TMEM234: variants seen among roughly 807,000 people sequenced by gnomAD.
The protein encoded by TMEM234 is chromosome 1 open reading frame 91.
TMEM234 carries 21 observed loss-of-function variants against 17.8 expected under a neutral mutation model. That is an observed-to-expected ratio of 1.18 (90% CI 0.84 to 1.70). TMEM234 has a LOEUF of 1.70. TMEM234 is among the 40% of genes most tolerant of loss of function. TMEM234 has a pLI of 0.00. For synonymous variants in TMEM234, 83 were observed against 73.5 expected (o/e 1.13, Z -0.66); for missense variants, 137 against 166.9 (o/e 0.82, Z 0.99).
chr1:32,215,010 G>T (rs1638260224), downstream of TMEM234: 1 of 1,567,256 alleles, frequency 6.4e-7, no homozygotes, highest in East Asian at 2.3e-5. Context: ...TGTTGTTGGG[G>T]ATGTCCATGG....
chr1:32,220,812 C>T lies in TMEM234; in HGVS notation c.235+319G>A, dbSNP rs573111187. On this transcript the variant is annotated intron_variant, in intron 3 of 4. Coordinates refer to ENST00000309777, the MANE Select transcript of TMEM234 (RefSeq NM_019118.5). Reference sequence around the variant, plus strand: ...CCAAGGCTCAAATGGGTGACTTGCTCATGGTCAGGTAGGTAGCACACAGTG... The same window carrying T: ...CCAAGGCTCAAATGGGTGACTTGCTTATGGTCAGGTAGGTAGCACACAGTG... Among the ~76,000 whole-genome samples, 33 of 152,284 alleles carry T rather than the reference C, an allele frequency of 2.2e-4. 1 individual carries two copies. In the South Asian group the frequency reaches 4.1e-3, roughly 19 times the overall value.
At chr1:32,215,053 G>GAAA (rs75232351), downstream of TMEM234, 1,041 of 1,052,076 alleles carry the variant, frequency 9.9e-4, 2 homozygotes, top group African/African-American at 0.016. Flanking sequence ...GCCGGCACTG[G>GAAA]AAAAAAAAAA....
Position 32,218,574 on chromosome 1 carries a change from G to A in TMEM234, c.236-1223C>T, listed in dbSNP as rs149655906. Among the ~76,000 whole-genome samples, 1,056 of 152,114 alleles carry A rather than the reference G, an allele frequency of 6.9e-3. 6 individuals are homozygous for A. The highest frequency in any genetic ancestry group is 0.048 in the Middle Eastern group (14 of 294). ...TCCCAACATTTTGGAAGGCTGAGAC[G>A]GGCGGATCACCTGAGGTTGGGAGTT... On this transcript the variant is annotated intron_variant, in intron 3 of 4. Coordinates refer to ENST00000309777, the MANE Select transcript of TMEM234 (RefSeq NM_019118.5).
chr1:32,220,711 G>A (rs1569830565), intron 3 of TMEM234, among the ~76,000 whole-genome samples: 1 of 152,196 alleles, frequency 6.6e-6, no homozygotes, highest in East Asian at 1.9e-4. Flanking sequence ...CTCTGACTGT[G>A]TGCCAGGCAC....
chr1:32,215,021 G>A (rs1161628992), downstream of TMEM234: 3 of 1,521,958 alleles, frequency 2.0e-6, no homozygotes, highest in African/African-American at 1.4e-5. Context: ...ATGTCCATGG[G>A]AGCAGAATGC....
At chr1:32,220,782 T>C (rs1023045253) in intron 3 of TMEM234, among the ~76,000 whole-genome samples, 2 of 152,152 alleles carry the variant, frequency 1.3e-5, no homozygotes, top group Non-Finnish European at 2.9e-5. Context: ...GCCAACTATA[T>C]AAAACCAAGG....
rs1294050174 is a variant in TMEM234, at chr1:32,216,743, A to G, written c.*110T>C. On this transcript the variant is annotated 3_prime_UTR_variant, in exon 5 of 5. Transcript: ENST00000309777. The stretch of plus-strand genomic sequence containing the variant: ...GTAGCTGTTATCCCCATAAGAGAGG[A>G]GGAAGCTAAGGCCAGAGAGGGGAAG... 1 of 1,524,012 alleles carries G rather than the reference A, an allele frequency of 6.6e-7. No homozygotes were observed. Among genetic ancestry groups the G allele is most frequent in the African/African-American group, 1.4e-5 (1 of 72,674 alleles). The allele number at this position is 1,524,012 out of a possible 1,614,324, so 94.4% of individuals were successfully genotyped here.
chr1:32,216,030 T>C, downstream of TMEM234: 1 of 796,584 alleles, frequency 1.3e-6, no homozygotes, highest in Non-Finnish European at 2.0e-6. Flanking sequence ...TCCTCAGCCC[T>C]CCCCGTTCTC....
chr1:32,215,528 G>C (rs142243330), downstream of TMEM234: 1,638 of 1,613,576 alleles, frequency 1.0e-3, 3 homozygotes, highest in Non-Finnish European at 1.2e-3. Context: ...CTCAGACAGA[G>C]GAGCCCTTGG....
chr1:32,220,236 G>C (rs1359422339), intron 3 of TMEM234, among the ~76,000 whole-genome samples: 1 of 152,182 alleles, frequency 6.6e-6, no homozygotes, highest in East Asian at 1.9e-4. Context: ...GAGTGCAGTG[G>C]CATGATCTCA....
chr1:32,214,698 T>C, downstream of TMEM234: 4 of 1,528,406 alleles, frequency 2.6e-6, no homozygotes, highest in Non-Finnish European at 3.5e-6. Flanking sequence ...CTCTGCCATG[T>C]TCCTGCAGGC....
At chr1:32,214,512 C>G, downstream of TMEM234, 1 of 422,622 alleles carries the variant, frequency 2.4e-6, no homozygotes, top group East Asian at 4.5e-5. Context: ...TCTAAGCCCT[C>G]CCAAGAAATG....
At chr1:32,217,480 A>G (rs752927636) in intron 3 of TMEM234, 129 bp from the exon 4 acceptor site, 14 of 1,538,712 alleles carry the variant, frequency 9.1e-6, no homozygotes, top group African/African-American at 1.4e-5. Flanking sequence ...ATGAAGTCAC[A>G]GCAAATCTCA....
At chr1:32,215,815 T>C (rs1485986589), downstream of TMEM234, 3 of 1,552,484 alleles carry the variant, frequency 1.9e-6, no homozygotes, top group South Asian at 1.2e-5. Flanking sequence ...GCAGCACAGA[T>C]AGTGGAAGAG....
intron 3 of TMEM234, chr1:32,217,691 G>GT (rs2124227871): frequency 2.2e-6 from 1 of 451,930 alleles, no homozygotes; most frequent in African/African-American, 2.0e-5. Context: ...AGAGAGTCAG[G>GT]TAACACCAAG....
At chr1:32,215,561 G>T, downstream of TMEM234, 4 of 1,609,632 alleles carry the variant, frequency 2.5e-6, no homozygotes, top group Non-Finnish European at 3.4e-6. Flanking sequence ...GTTGGATCAG[G>T]AAACAGTATG....
At chr1:32,214,530 G>A (rs1432298924), downstream of TMEM234, 3 of 464,500 alleles carry the variant, frequency 6.5e-6, no homozygotes, top group East Asian at 7.8e-5. Flanking sequence ...ATGAGCCAGT[G>A]AGCATGGGGC....
At position 32,216,243 on chromosome 1, in the gene TMEM234, T is replaced by A. The variant is rs1638370597; in HGVS notation, c.*610A>T. 3.0e-6 allele frequency: 4 copies of A among 1,319,978 alleles called. No individual in the cohort carries two copies. Among genetic ancestry groups the A allele is most frequent in the Non-Finnish European group, 4.1e-6 (4 of 982,270 alleles). 81.8% of individuals were successfully genotyped at this position (1,319,978 alleles called of 1,614,324 possible). A position where few individuals can be genotyped will look rare whatever the true frequency, so the allele number is the denominator to read the frequency against. ...ATTGACAGCTACTACTCGCCAGGTG[T>A]GCTGGAGTCAGGTGGGGCTGGGGCT... On this transcript the variant is annotated 3_prime_UTR_variant, in exon 5 of 5. Coordinates refer to ENST00000309777, the MANE Select transcript of TMEM234 (RefSeq NM_019118.5).
Position 32,217,514 on chromosome 1 carries a change from C to T in TMEM234, c.236-163G>A, listed in dbSNP as rs760794874. On this transcript the variant is annotated intron_variant, in intron 3 of 4. Transcript: ENST00000309777. ...CAGGACTCAAACCCACATCTCCTGA[C>T]TCCACGTTCAGTGCTTCCCAGGATT... The T allele has an allele frequency of 4.7e-6, 7 of 1,477,088 alleles. No individual in the cohort carries two copies. The East Asian group carries it at 9.8e-5, about 21-fold the overall frequency. The allele number at this position is 1,477,088 out of a possible 1,614,324, so 91.5% of individuals were successfully genotyped here. A position where few individuals can be genotyped will look rare whatever the true frequency, so the allele number is the denominator to read the frequency against.
Sources: allele counts gnomAD v4.1 joint callset (sites outside exome capture counted in the v4.1 genomes callset), GRCh38; gene constraint gnomAD v4.1.1; transcripts MANE v1.5; gene names NCBI Gene and HGNC (gene_info 2026-07-23, HGNC 2026-07-21).